Variants in SLCO1A2 observed in about 807,000 individuals in gnomAD.
SLCO1A2 encodes the protein solute carrier organic anion transporter family member 1A2, also known as OATP-1.
SLCO1A2 carries 67 observed loss-of-function variants against 69.0 expected under a neutral mutation model. That is an observed-to-expected ratio of 0.97 (90% CI 0.80 to 1.19). SLCO1A2 has a LOEUF of 1.19. Among genes scored for constraint, SLCO1A2 ranks in the 50% most tolerant of loss-of-function variants. The probability of loss-of-function intolerance (pLI) is 0.00; values close to 1 mark genes in which losing one functional copy is unlikely to be tolerated. For missense variants in SLCO1A2, 787 were observed against 793.7 expected (o/e 0.99, Z 0.10); for synonymous variants, 260 against 265.9 (o/e 0.98, Z 0.22).
chr12:21,408,713 CGTGTGTGTGTGTGTGTGTGT>C (rs3060712), intron 1 of SLCO1A2, among the ~76,000 whole-genome samples: 17 of 150,178 alleles, frequency 1.1e-4, no homozygotes, highest in African/African-American at 3.9e-4. Flanking sequence ...TCAGCGCATG[CGTGTGTGTGTGTGTGTGTGT>C]GTGTGTGTGT....
chr12:21,286,041 T>C (rs1280691599), intron 12 of SLCO1A2, among the ~76,000 whole-genome samples: 1 of 151,852 alleles, frequency 6.6e-6, no homozygotes, highest in African/African-American at 2.4e-5. Flanking sequence ...ATAAAAGGTA[T>C]TCAATTAGGA....
upstream of SLCO1A2, among the ~76,000 whole-genome samples, chr12:21,335,840 T>C (rs1952866078): frequency 6.6e-6 from 1 of 152,154 alleles, no homozygotes; most frequent in African/African-American, 2.4e-5. Flanking sequence ...TCTGTGCCAG[T>C]CATGGTGCTA....
chr12:21,402,268 T>C (rs1322840537), intron 1 of SLCO1A2, among the ~76,000 whole-genome samples: 1 of 151,778 alleles, frequency 6.6e-6, no homozygotes, highest in Non-Finnish European at 1.5e-5. Context: ...TTGAAACGTA[T>C]ATGAGAGGTG....
At chr12:21,348,874 A>T (rs865784780) in intron 2 of SLCO1A2, among the ~76,000 whole-genome samples, 3 of 152,206 alleles carry the variant, frequency 2.0e-5, no homozygotes, top group Admixed American at 2.0e-4. Flanking sequence ...AAACCCACAG[A>T]CTATACAACA....
chr12:21,342,273 C>A (rs1953094268), intron 2 of SLCO1A2, among the ~76,000 whole-genome samples: 1 of 151,846 alleles, frequency 6.6e-6, no homozygotes, highest in Admixed American at 6.6e-5. Context: ...TGTTATTTTT[C>A]CACTGCTTCA....
At chr12:21,343,922 T>A (rs1953162234) in intron 2 of SLCO1A2, among the ~76,000 whole-genome samples, 2 of 152,226 alleles carry the variant, frequency 1.3e-5, no homozygotes, top group Admixed American at 6.6e-5. Context: ...CAAGACCAGT[T>A]GTTATGCAGA....
chr12:21,317,092 T>G (rs1302860536), intron 3 of SLCO1A2, among the ~76,000 whole-genome samples: 1 of 152,222 alleles, frequency 6.6e-6, no homozygotes, highest in Non-Finnish European at 1.5e-5. Flanking sequence ...GTTTTTTTTA[T>G]GCAATTAAAA....
chr12:21,272,598 A>C (rs1943076821), intron 14 of SLCO1A2, among the ~76,000 whole-genome samples: 1 of 152,062 alleles, frequency 6.6e-6, no homozygotes, highest in Admixed American at 6.6e-5. Context: ...TAACTACAGA[A>C]GTTGATTTAG....
At chr12:21,322,416 G>A (rs61927780) in intron 2 of SLCO1A2, among the ~76,000 whole-genome samples, 18,129 of 152,196 alleles carry the variant, frequency 0.12, 1,166 homozygotes, top group Non-Finnish European at 0.15. Context: ...GACATAATAC[G>A]TCAGTCAGTA....
intron 1 of SLCO1A2, chr12:21,379,677 T>A (rs1363168989): frequency 1.3e-5 from 2 of 152,216 alleles, no homozygotes; most frequent in Non-Finnish European, 2.9e-5. Flanking sequence ...GGAAGTAGCA[T>A]TAATTCAGAT....
At chr12:21,316,258 G>A (rs7974575) in intron 3 of SLCO1A2, among the ~76,000 whole-genome samples, 17,600 of 152,116 alleles carry the variant, frequency 0.12, 1,108 homozygotes, top group Non-Finnish European at 0.15. Context: ...ACTTACTCTA[G>A]TAATTAAAAT....
intron 4 of SLCO1A2, chr12:21,311,863 T>C (rs1339766225): frequency 6.6e-6 from 1 of 152,560 alleles, no homozygotes; most frequent in Non-Finnish European, 1.5e-5. Flanking sequence ...GAGTCAAAGG[T>C]TGCAGTGAGC....
At position 21,274,502 on chromosome 12, in the gene SLCO1A2, CCT is replaced by C; in HGVS notation, c.1758_1759del (p.Ala588MetfsTer5). ...GGTGGAATCATATATCCTGCATGCC[CCT>C]GACTCACCACATTTCAAAGTTCCCC... is the stretch of plus-strand genomic sequence containing the variant. On this transcript the variant is annotated frameshift_variant, in exon 14 of 15. Transcript: ENST00000683939. LOFTEE classifies it low-confidence loss of function (END_TRUNC). 1 of 1,613,072 alleles carries C rather than the reference CCT, an allele frequency of 6.2e-7. No individual in the cohort carries two copies. Among genetic ancestry groups the C allele is most frequent in the Middle Eastern group, 1.7e-4 (1 of 6,056 alleles).
intron 1 of SLCO1A2, among the ~76,000 whole-genome samples, chr12:21,407,563 G>A (rs932407628): frequency 1.3e-5 from 2 of 152,170 alleles, no homozygotes; most frequent in Admixed American, 6.5e-5. Flanking sequence ...CACTTTGGGA[G>A]GCCAAGGCAG....
intron 6 of SLCO1A2, among the ~76,000 whole-genome samples, chr12:21,302,259 G>A (rs1307099488): frequency 1.3e-5 from 2 of 152,050 alleles, no homozygotes; most frequent in Non-Finnish European, 1.5e-5. Context: ...TAGCCCCAGT[G>A]ATCTCTTTGT....
chr12:21,343,657 T>C (rs1019031237), intron 2 of SLCO1A2, among the ~76,000 whole-genome samples: 2 of 152,128 alleles, frequency 1.3e-5, no homozygotes, highest in East Asian at 3.9e-4. Flanking sequence ...CTCATTTTGC[T>C]ACTTTTCAGC....
intron 1 of SLCO1A2, among the ~76,000 whole-genome samples, chr12:21,389,483 G>C (rs975783308): frequency 3.9e-5 from 6 of 151,940 alleles, no homozygotes; most frequent in Non-Finnish European, 5.9e-5. Context: ...TTATTCACAA[G>C]CTAAGATCTT....
chr12:21,306,794 C>CAATA, intron 5 of SLCO1A2, 88 bp downstream of exon 5: 1 of 781,072 alleles, frequency 1.3e-6, no homozygotes, highest in East Asian at 2.6e-5. Flanking sequence ...ATTTATCTAA[C>CAATA]TCAATCAATA....
intron 8 of SLCO1A2, among the ~76,000 whole-genome samples, chr12:21,298,814 G>C (rs191023232): frequency 1.3e-5 from 2 of 152,232 alleles, no homozygotes; most frequent in East Asian, 3.9e-4. Flanking sequence ...TTTAAGAAGA[G>C]TTTTTAATAT....
Sources: allele counts gnomAD v4.1 joint callset (sites outside exome capture counted in the v4.1 genomes callset), GRCh38; gene constraint gnomAD v4.1.1; transcripts MANE v1.5; gene names NCBI Gene and HGNC (gene_info 2026-07-23, HGNC 2026-07-21).